The following HRH1 variants were observed in gnomAD, a reference collection of about 807,000 sequenced individuals.
HRH1 encodes the protein histamine receptor H1.
Under a neutral mutation model 10.3 loss-of-function variants are expected in HRH1, and 6 were observed. That is an observed-to-expected ratio of 0.58 (90% CI 0.32 to 1.15). HRH1 has a LOEUF of 1.15. HRH1 is among the 50% of genes most tolerant of loss of function. The pLI is 0.05. For missense variants in HRH1, 514 were observed against 615.3 expected (o/e 0.84, Z 1.74); for synonymous variants, 242 against 236.7 (o/e 1.02, Z -0.21).
chr3:11,229,775 C>CA (rs930566725), intron 1 of HRH1, among the ~76,000 whole-genome samples: 22 of 151,406 alleles, frequency 1.5e-4, no homozygotes, highest in African/African-American at 3.1e-4. Flanking sequence ...CTGTAGATAA[C>CA]AAAAAAAATG....
chr3:11,235,031 C>T (rs910984299), intron 1 of HRH1, among the ~76,000 whole-genome samples: 1 of 152,038 alleles, frequency 6.6e-6, no homozygotes, highest in East Asian at 1.9e-4. Flanking sequence ...CTGGCTAACA[C>T]AGTGAAACCC....
rs534728707 is a variant in HRH1, at chr3:11,160,516, A to G, written c.-36+5962A>G. Among the ~76,000 whole-genome samples the G allele has an allele frequency of 5.3e-5, 8 of 152,154 alleles. No individual in the cohort carries two copies. The South Asian group carries it at 1.7e-3, about 32-fold the overall frequency. On this transcript the variant is annotated intron_variant, in intron 1 of 1. Coordinates refer to ENST00000431010, the MANE Select transcript of HRH1 (RefSeq NM_001098212.2). Reference sequence around the variant, plus strand: ...ACCTATTTGGGTTTTGAAGAAAGATAAAAGTCTAAATTAATTTTCCTTCTC... The same window carrying G: ...ACCTATTTGGGTTTTGAAGAAAGATGAAAGTCTAAATTAATTTTCCTTCTC...
intron 1 of HRH1, among the ~76,000 whole-genome samples, chr3:11,215,532 C>T (rs768163344): frequency 2.6e-5 from 4 of 152,224 alleles, no homozygotes; most frequent in African/African-American, 4.8e-5. Flanking sequence ...GCTCTGCCTC[C>T]CAGGCTGACG....
intron 1 of HRH1, among the ~76,000 whole-genome samples, chr3:11,218,116 A>C (rs1347379090): frequency 6.6e-6 from 1 of 152,262 alleles, no homozygotes; most frequent in African/African-American, 2.4e-5. Context: ...TCAAATGATC[A>C]AGAATGTAGT....
intron 1 of HRH1, among the ~76,000 whole-genome samples, chr3:11,211,615 C>T (rs1361600282): frequency 6.6e-6 from 1 of 152,186 alleles, no homozygotes; most frequent in Non-Finnish European, 1.5e-5. Flanking sequence ...CTGGCTATGA[C>T]CCAGAGAGCA....
At chr3:11,183,549 G>A (rs750515962) in intron 1 of HRH1, among the ~76,000 whole-genome samples, 1 of 152,146 alleles carries the variant, frequency 6.6e-6, no homozygotes, top group Non-Finnish European at 1.5e-5. Flanking sequence ...GAGAAATCCT[G>A]CTCTAGGCAA....
At chr3:11,183,500 A>C (rs1205021680) in intron 1 of HRH1, among the ~76,000 whole-genome samples, 2 of 152,154 alleles carry the variant, frequency 1.3e-5, no homozygotes, top group African/African-American at 4.8e-5. Flanking sequence ...CCCCCAACAC[A>C]GAATTTTCCT....
intron 1 of HRH1, among the ~76,000 whole-genome samples, chr3:11,182,292 C>T (rs1937373289): frequency 6.6e-6 from 1 of 152,098 alleles, no homozygotes; most frequent in South Asian, 2.1e-4. Flanking sequence ...CGTAAAAATT[C>T]TTATATTTTC....
rs566573377 is a variant in HRH1 at position 11,144,819 on chromosome 3, C to T, written c.-36+7420C>T. 4.6e-5 allele frequency among the ~76,000 whole-genome samples: 7 copies of T among 151,906 alleles called. 1 individual carries two copies. Among genetic ancestry groups the T allele is most frequent in the East Asian group, 1.9e-4 (1 of 5,140 alleles). Reference sequence around the variant, plus strand: ...CCAGGAGGCAGAGGTTGCAGTGAGCCGAGATCACGCCACTGCACTCCAGCC... The same window carrying T: ...CCAGGAGGCAGAGGTTGCAGTGAGCTGAGATCACGCCACTGCACTCCAGCC... On this transcript the variant is annotated intron_variant, in intron 1 of 1. Transcript: ENST00000438284.
At chr3:11,166,981 C>T (rs1431009316) in intron 1 of HRH1, among the ~76,000 whole-genome samples, 7 of 149,036 alleles carry the variant, frequency 4.7e-5, no homozygotes, top group Non-Finnish European at 1.0e-4. Context: ...CCTGGCTTCT[C>T]CAGGCGCATG....
intron 1 of HRH1, among the ~76,000 whole-genome samples, chr3:11,138,971 G>A (rs1936238783): frequency 1.3e-5 from 2 of 149,990 alleles, no homozygotes; most frequent in South Asian, 4.2e-4. Flanking sequence ...CACTGTGCCT[G>A]GCCATAGCTG....
chr3:11,163,864 A>G (rs1936977053), intron 1 of HRH1, among the ~76,000 whole-genome samples: 1 of 151,950 alleles, frequency 6.6e-6, no homozygotes, highest in Admixed American at 6.6e-5. Context: ...CCCCACCCCT[A>G]AGGCTGGATT....
chr3:11,172,958 A>G (rs1937182559), intron 1 of HRH1, among the ~76,000 whole-genome samples: 1 of 151,924 alleles, frequency 6.6e-6, no homozygotes, highest in African/African-American at 2.4e-5. Context: ...CGGCCTCCCA[A>G]AGTGCTGGGA....
chr3:11,187,723 C>G (rs1306449468), intron 1 of HRH1, among the ~76,000 whole-genome samples: 1 of 152,184 alleles, frequency 6.6e-6, no homozygotes, highest in Non-Finnish European at 1.5e-5. Flanking sequence ...TCAATCCCAA[C>G]CCTCAATCCC....
intron 1 of HRH1, among the ~76,000 whole-genome samples, chr3:11,211,546 C>G (rs1452562599): frequency 1.3e-5 from 2 of 152,240 alleles, no homozygotes; most frequent in Non-Finnish European, 2.9e-5. Context: ...GACCCCCTCT[C>G]CAGCTGTGGC....
At chr3:11,190,679 C>G (rs1937518910) in intron 1 of HRH1, among the ~76,000 whole-genome samples, 2 of 151,954 alleles carry the variant, frequency 1.3e-5, no homozygotes, top group African/African-American at 4.8e-5. Flanking sequence ...AGGCGTGAGC[C>G]AGCGCAACCG....
At chr3:11,206,272 C>A (rs532102360) in intron 1 of HRH1, among the ~76,000 whole-genome samples, 1 of 152,360 alleles carries the variant, frequency 6.6e-6, no homozygotes, top group South Asian at 2.1e-4. Context: ...CACACGCCAA[C>A]ACGCCTGGCT....
At chr3:11,179,489 G>A (rs185995398) in intron 1 of HRH1, among the ~76,000 whole-genome samples, 5,855 of 151,188 alleles carry the variant, frequency 0.039, 212 homozygotes, top group African/African-American at 0.095. Context: ...GCGTGGTGGC[G>A]GGCGCCTGTA....
intron 1 of HRH1, among the ~76,000 whole-genome samples, chr3:11,179,320 A>T (rs925747947): frequency 2.6e-5 from 4 of 151,800 alleles, no homozygotes; most frequent in African/African-American, 7.3e-5. Flanking sequence ...TAAAAAATTT[A>T]AAAAAGAAAG....
Sources: allele counts gnomAD v4.1 joint callset (sites outside exome capture counted in the v4.1 genomes callset), GRCh38; gene constraint gnomAD v4.1.1; transcripts MANE v1.5; gene names NCBI Gene and HGNC (gene_info 2026-07-23, HGNC 2026-07-21).